PLCXD3: variants seen among roughly 807,000 people sequenced by gnomAD.
PLCXD3 encodes the protein phosphatidylinositol specific phospholipase C X domain containing 3, also known as PI-PLC X domain-containing protein 3.
Under a neutral mutation model 25.5 loss-of-function variants are expected in PLCXD3, and 19 were observed. The observed-to-expected ratio is 0.75, with a 90% CI of 0.52 to 1.09. PLCXD3 has a LOEUF of 1.09. Among genes scored for constraint, PLCXD3 ranks in the 50% least tolerant of loss-of-function variants. The probability of loss-of-function intolerance (pLI) is 0.00; values close to 1 mark genes in which losing one functional copy is unlikely to be tolerated. For synonymous variants in PLCXD3, 174 were observed against 137.6 expected (o/e 1.26, Z -1.85); for missense variants, 411 against 388.1 (o/e 1.06, Z -0.50).
intron 2 of PLCXD3, among the ~76,000 whole-genome samples, chr5:41,339,738 G>C (rs189247227): frequency 6.6e-6 from 1 of 152,156 alleles, no homozygotes; most frequent in Non-Finnish European, 1.5e-5. Flanking sequence ...ATTTGAAAAT[G>C]TCATCCTAAA....
intron 2 of PLCXD3, among the ~76,000 whole-genome samples, chr5:41,331,072 C>A (rs1043577593): frequency 1.3e-5 from 2 of 152,084 alleles, no homozygotes; most frequent in Non-Finnish European, 2.9e-5. Context: ...TCCTATTCAA[C>A]ATAGTGTTGG....
At chr5:41,317,362 A>G (rs931818331) in intron 2 of PLCXD3, among the ~76,000 whole-genome samples, 10 of 152,190 alleles carry the variant, frequency 6.6e-5, no homozygotes, top group African/African-American at 2.4e-4. Flanking sequence ...AGTCTTTTCA[A>G]ATTTCCAGAA....
At chr5:41,441,265 T>G (rs1395803104) in intron 1 of PLCXD3, among the ~76,000 whole-genome samples, 1 of 152,192 alleles carries the variant, frequency 6.6e-6, no homozygotes, top group Admixed American at 6.5e-5. Context: ...AGCCAAGAGA[T>G]GCAGAAAAGA....
intron 1 of PLCXD3, among the ~76,000 whole-genome samples, chr5:41,425,372 G>T (rs1561269729): frequency 6.6e-6 from 1 of 150,796 alleles, no homozygotes; most frequent in Non-Finnish European, 1.5e-5. Flanking sequence ...AAGGTGCACA[G>T]ATTTCCCATA....
rs2150465247 is a variant in PLCXD3, at chr5:41,309,951, G to T, written c.*3666C>A. 1 of 152,214 alleles carries T rather than the reference G, an allele frequency of 6.6e-6. No homozygotes were observed. The highest frequency in any genetic ancestry group is 1.5e-5 in the Non-Finnish European group (1 of 67,990). 9.4% of individuals were successfully genotyped at this position (152,214 alleles called of 1,614,324 possible). A position where few individuals can be genotyped will look rare whatever the true frequency, so the allele number is the denominator to read the frequency against. ...GTTGAAACAGCAATAGACTCAGATT[G>T]ATTAGAGTGCAGTTTCAACTTGAAT... On this transcript the variant is annotated 3_prime_UTR_variant, in exon 3 of 3. Transcript: ENST00000377801.
chr5:41,452,245 C>T (rs1427065294), intron 1 of PLCXD3, among the ~76,000 whole-genome samples: 2 of 151,996 alleles, frequency 1.3e-5, no homozygotes, highest in Non-Finnish European at 2.9e-5. Flanking sequence ...CCTATACCAT[C>T]AGGATTTCAA....
At chr5:41,380,268 T>C (rs1745417161) in intron 2 of PLCXD3, among the ~76,000 whole-genome samples, 1 of 152,112 alleles carries the variant, frequency 6.6e-6, no homozygotes, top group African/African-American at 2.4e-5. Context: ...CTGAACTCTT[T>C]TCTCCCATTC....
At chr5:41,497,588 A>C (rs553635312) in intron 1 of PLCXD3, among the ~76,000 whole-genome samples, 6 of 151,982 alleles carry the variant, frequency 3.9e-5, no homozygotes, top group African/African-American at 1.2e-4. Context: ...TAATAGGAAA[A>C]AATTTAATAT....
chr5:41,361,540 A>G (rs1744779829), intron 2 of PLCXD3, among the ~76,000 whole-genome samples: 1 of 152,216 alleles, frequency 6.6e-6, no homozygotes, highest in African/African-American at 2.4e-5. Context: ...CTTGCCTTGT[A>G]TCTGCCATCT....
At chr5:41,433,381 G>T (rs1747162838) in intron 1 of PLCXD3, among the ~76,000 whole-genome samples, 1 of 152,008 alleles carries the variant, frequency 6.6e-6, no homozygotes, top group Admixed American at 6.6e-5. Flanking sequence ...TTTCCCTCTT[G>T]CCCCTTTTTT....
At chr5:41,435,913 G>A (rs1248769493) in intron 1 of PLCXD3, among the ~76,000 whole-genome samples, 1 of 152,208 alleles carries the variant, frequency 6.6e-6, no homozygotes, top group Non-Finnish European at 1.5e-5. Context: ...CATAGCCCTT[G>A]AAGTCACTCT....
intron 1 of PLCXD3, among the ~76,000 whole-genome samples, chr5:41,481,348 T>C (rs1748411504): frequency 6.6e-6 from 1 of 152,212 alleles, no homozygotes; most frequent in Admixed American, 6.5e-5. Context: ...GATCTCTTCC[T>C]ATGAACATAA....
chr5:41,412,109 C>T (rs934939037), intron 1 of PLCXD3, among the ~76,000 whole-genome samples: 3 of 151,788 alleles, frequency 2.0e-5, no homozygotes, highest in South Asian at 4.2e-4. Context: ...ATACACTGAA[C>T]TGTTTATATT....
chr5:41,395,608 A>T (rs1745978412), intron 1 of PLCXD3, among the ~76,000 whole-genome samples: 2 of 152,158 alleles, frequency 1.3e-5, no homozygotes, highest in South Asian at 2.1e-4. Context: ...ATAAAATTAG[A>T]AATAACAAAG....
intron 2 of PLCXD3, among the ~76,000 whole-genome samples, chr5:41,373,102 C>T (rs776485309): frequency 1.5e-4 from 23 of 151,984 alleles, no homozygotes; most frequent in Admixed American, 2.6e-4. Flanking sequence ...TGAGATTGGA[C>T]ATGCCTCGTT....
chr5:41,484,210 A>G (rs1653153935), intron 1 of PLCXD3, among the ~76,000 whole-genome samples: 1 of 151,788 alleles, frequency 6.6e-6, no homozygotes, highest in Non-Finnish European at 1.5e-5. Flanking sequence ...AAATTCTTGT[A>G]CTCATAAAGT....
intron 1 of PLCXD3, among the ~76,000 whole-genome samples, chr5:41,412,716 ACTT>A (rs1423745142): frequency 6.6e-6 from 1 of 152,176 alleles, no homozygotes; most frequent in Non-Finnish European, 1.5e-5. Context: ...GTCAGCCTCT[ACTT>A]CTTATCTGTA....
In PLCXD3 at chr5:41,397,013, C is replaced by T. The variant is rs144847882; in HGVS notation, c.104-14479G>A. Among the ~76,000 whole-genome samples the T allele has an allele frequency of 3.7e-4, 57 of 152,266 alleles. No homozygotes were observed. In the East Asian group the frequency reaches 7.3e-3, roughly 20 times the overall value. On this transcript the variant is annotated intron_variant, in intron 1 of 2. Transcript: ENST00000377801. ...CTAGAACTTACATTTAAAAGGAATG[C>T]AGATCATAAAAGTTTGGAAAATTTG...
intron 1 of PLCXD3, among the ~76,000 whole-genome samples, chr5:41,393,804 C>A (rs1689629798): frequency 6.6e-6 from 1 of 152,008 alleles, no homozygotes; most frequent in Non-Finnish European, 1.5e-5. Flanking sequence ...GTGGTGGACA[C>A]CTGTAGTCCC....
Sources: allele counts gnomAD v4.1 joint callset (sites outside exome capture counted in the v4.1 genomes callset), GRCh38; gene constraint gnomAD v4.1.1; transcripts MANE v1.5; gene names NCBI Gene and HGNC (gene_info 2026-07-23, HGNC 2026-07-21).